The following PRKAR1B variants were observed in gnomAD, a reference collection of about 807,000 sequenced individuals.
PRKAR1B encodes the protein cAMP-dependent protein kinase type I-beta regulatory subunit.
A neutral mutation model predicts 46.5 loss-of-function variants in PRKAR1B; 22 were observed. That is an observed-to-expected ratio of 0.47 (90% CI 0.34 to 0.68). The LOEUF is 0.68. PRKAR1B is among the 30% of genes least tolerant of loss of function. The pLI, the probability that PRKAR1B is intolerant of heterozygous loss-of-function variation, is 0.01. For synonymous variants in PRKAR1B, 259 were observed against 217.7 expected, an observed-to-expected ratio of 1.19 and a Z score of -1.67; for missense variants, 445 against 535.6, an observed-to-expected ratio of 0.83 and a Z score of 1.67.
chr7:695,111 G>A (rs1047413335), intron 2 of PRKAR1B, among the ~76,000 whole-genome samples: 3 of 151,964 alleles, frequency 2.0e-5, no homozygotes, highest in Non-Finnish European at 2.9e-5. Flanking sequence ...GACAGAAGTC[G>A]GAGCCCCACA....
chr7:712,474 G>A (rs1486575594), intron 1 of PRKAR1B: 1 of 147,918 alleles, frequency 6.8e-6, no homozygotes, highest in African/African-American at 2.4e-5. Context: ...CGCGGGGACG[G>A]CTGGCGAGCG....
intron 9 of PRKAR1B, chr7:579,000 C>A: frequency 7.5e-7 from 1 of 1,333,136 alleles, no homozygotes; most frequent in South Asian, 1.5e-5. Context: ...GCAGTTTTAT[C>A]ACACGTGCAG....
chr7:562,679 G>T (rs935326587), intron 9 of PRKAR1B, among the ~76,000 whole-genome samples: 5 of 152,178 alleles, frequency 3.3e-5, no homozygotes, highest in African/African-American at 1.2e-4. Flanking sequence ...GCTCTTAAAG[G>T]GTCTCTGTCA....
intron 9 of PRKAR1B, among the ~76,000 whole-genome samples, chr7:562,905 C>T (rs568241888): frequency 2.0e-5 from 3 of 151,550 alleles, no homozygotes; most frequent in South Asian, 4.1e-4. Context: ...GACCCTCGCC[C>T]GCCATTTCAG....
chr7:573,936 G>A (rs1217779498), intron 9 of PRKAR1B, among the ~76,000 whole-genome samples: 1 of 152,242 alleles, frequency 6.6e-6, no homozygotes, highest in Non-Finnish European at 1.5e-5. Context: ...CCGGGGTGCG[G>A]TTGGGTCACA....
intron 9 of PRKAR1B, chr7:565,698 A>C (rs990441766): frequency 6.6e-6 from 1 of 152,224 alleles, no homozygotes; most frequent in Non-Finnish European, 1.5e-5. Context: ...TCAGCAGGAC[A>C]GATGAGGCAC....
chr7:590,286 C>T (rs905011660), intron 7 of PRKAR1B, among the ~76,000 whole-genome samples: 7 of 152,242 alleles, frequency 4.6e-5, no homozygotes, highest in South Asian at 2.1e-4. Flanking sequence ...AGGACTCTGT[C>T]GCCCAAGGCA....
intron 9 of PRKAR1B, among the ~76,000 whole-genome samples, chr7:578,236 A>G (rs143837894): frequency 6.6e-6 from 1 of 151,528 alleles, no homozygotes; most frequent in Non-Finnish European, 1.5e-5. Flanking sequence ...CCGGAATGGG[A>G]GTTCACACGC....
chr7:679,153 A>T (rs771967789), intron 3 of PRKAR1B, among the ~76,000 whole-genome samples: 4 of 152,232 alleles, frequency 2.6e-5, no homozygotes, highest in Non-Finnish European at 5.9e-5. Flanking sequence ...TGCAAAGATC[A>T]TTCTCGTGCA....
chr7:561,201 C>T (rs1490370648), intron 9 of PRKAR1B, among the ~76,000 whole-genome samples: 2 of 151,514 alleles, frequency 1.3e-5, no homozygotes, highest in Non-Finnish European at 2.9e-5. Context: ...ACACACCCCA[C>T]ACACATGCAC....
chr7:603,189 C>G (rs1010010940), intron 6 of PRKAR1B: 2 of 152,378 alleles, frequency 1.3e-5, no homozygotes, highest in Admixed American at 1.3e-4. Context: ...ATGACATGGG[C>G]AGACACAGAA....
intron 1 of PRKAR1B, chr7:726,993 C>T: frequency 7.9e-7 from 1 of 1,261,506 alleles, no homozygotes; most frequent in Non-Finnish European, 1.0e-6. Context: ...CCGCCGAGGG[C>T]TGCCGCGCGC....
At chr7:606,295 C>T (rs550845916) in intron 5 of PRKAR1B, 56 bp from the exon 6 acceptor site, 3 of 1,567,760 alleles carry the variant, frequency 1.9e-6, no homozygotes, top group East Asian at 4.5e-5. Flanking sequence ...ATACAAGTTA[C>T]AGTTTCTCTT....
At chr7:665,501 T>C (rs1319829169) in intron 4 of PRKAR1B, among the ~76,000 whole-genome samples, 1 of 152,240 alleles carries the variant, frequency 6.6e-6, no homozygotes, top group Non-Finnish European at 1.5e-5. Context: ...TCAGCCTCCG[T>C]TGAATTCAGC....
intron 9 of PRKAR1B, among the ~76,000 whole-genome samples, chr7:578,257 CGT>C (rs202104785): frequency 0.11 from 16,094 of 152,178 alleles, 1,174 homozygotes; most frequent in Non-Finnish European, 0.15. Context: ...GAATTCCTGC[CGT>C]GTCCTCAGGA....
At chr7:554,639 C>T (rs1214503265) in intron 9 of PRKAR1B, among the ~76,000 whole-genome samples, 1 of 145,104 alleles carries the variant, frequency 6.9e-6, no homozygotes, top group Non-Finnish European at 1.5e-5. Flanking sequence ...ACAGGGGAGG[C>T]CACGGATCCC....
At chr7:561,508 G>C (rs1268870993) in intron 9 of PRKAR1B, among the ~76,000 whole-genome samples, 1 of 152,178 alleles carries the variant, frequency 6.6e-6, no homozygotes, top group African/African-American at 2.4e-5. Flanking sequence ...GAGCGCTCCT[G>C]AGCTGCGTGC....
chr7:658,844 T>A (rs1785347397), intron 4 of PRKAR1B, among the ~76,000 whole-genome samples: 1 of 151,920 alleles, frequency 6.6e-6, no homozygotes, highest in African/African-American at 2.4e-5. Flanking sequence ...AGAGACAGGG[T>A]TTTGTCATGT....
Position 714,648 on chromosome 7 carries a change from C to T in PRKAR1B, c.-22-3121G>A, listed in dbSNP as rs1780811698. ...CTCTGGTAGGAGTGCGAGGCGTGGCCCCCACCGCCCCAACCTGCAGACAAG... is the reference window on the plus strand; with the variant it reads ...CTCTGGTAGGAGTGCGAGGCGTGGCTCCCACCGCCCCAACCTGCAGACAAG... On this transcript the variant is annotated intron_variant, in intron 1 of 10. Transcript: ENST00000537384. The surrounding 1 kb of genome is among the most constrained non-coding windows in gnomAD (Gnocchi z 4.3). Among the ~76,000 whole-genome samples, 1 of 152,208 alleles carries T rather than the reference C, an allele frequency of 6.6e-6. No individual in the cohort carries two copies.
Sources: allele counts gnomAD v4.1 joint callset (sites outside exome capture counted in the v4.1 genomes callset), GRCh38; gene constraint gnomAD v4.1.1; non-coding constraint Gnocchi (gnomAD v3.1); transcripts MANE v1.5; gene names NCBI Gene and HGNC (gene_info 2026-07-23, HGNC 2026-07-21).